OSBPL9: variants seen among roughly 807,000 people sequenced by gnomAD.
The protein encoded by OSBPL9 is oxysterol-binding protein-related protein 9.
Under a neutral mutation model 106.6 loss-of-function variants are expected in OSBPL9, and 40 were observed. The ratio of observed to expected loss-of-function variants is 0.38; its 90% CI spans 0.29 to 0.49. The LOEUF (loss-of-function observed/expected upper bound fraction) is 0.49. Among genes scored for constraint, OSBPL9 ranks in the 20% least tolerant of loss-of-function variants. The probability of loss-of-function intolerance (pLI) is 0.97; values close to 1 mark genes in which losing one functional copy is unlikely to be tolerated. For synonymous variants in OSBPL9, 269 were observed against 295.4 expected (o/e 0.91, Z 0.92); for missense variants, 609 against 887.2 (o/e 0.69, Z 3.98).
At chr1:51,786,028 G>C (rs1571800880) in intron 21 of OSBPL9, 142 bp downstream of exon 21, 1 of 701,446 alleles carries the variant, frequency 1.4e-6, no homozygotes, top group Admixed American at 3.0e-5. Flanking sequence ...GACAGCTCCA[G>C]TGTATGTCAT....
chr1:51,678,021 A>AG (rs1412340124), intron 3 of OSBPL9, among the ~76,000 whole-genome samples: 2 of 151,882 alleles, frequency 1.3e-5, no homozygotes, highest in African/African-American at 4.8e-5. Context: ...AAAAAAAAAA[A>AG]ATGAAAAAAC....
At chr1:51,772,006 T>A in intron 12 of OSBPL9, 64 bp from the exon 13 acceptor site, 3 of 1,222,254 alleles carry the variant, frequency 2.5e-6, no homozygotes, top group Middle Eastern at 1.9e-4. Context: ...ACTGTACGAG[T>A]CTAGCTTACT....
chr1:51,572,570 C>T (rs1448804403), upstream of OSBPL9, among the ~76,000 whole-genome samples: 1 of 151,966 alleles, frequency 6.6e-6, no homozygotes, highest in Non-Finnish European at 1.5e-5. Flanking sequence ...TTTTAAAATC[C>T]TAGGGGGTTG....
At chr1:51,665,022 A>T (rs994696199) in intron 2 of OSBPL9, among the ~76,000 whole-genome samples, 5 of 152,240 alleles carry the variant, frequency 3.3e-5, no homozygotes, top group Non-Finnish European at 4.4e-5. Context: ...AGTGTTATCC[A>T]ACAGACCTTT....
the OSBPL9 span, among the ~76,000 whole-genome samples, chr1:51,544,645 C>A: frequency 6.6e-6 from 1 of 151,710 alleles, no homozygotes; most frequent in African/African-American, 2.4e-5. Context: ...AAATTTTAAA[C>A]CAGCAGAAGA....
intron 2 of OSBPL9, among the ~76,000 whole-genome samples, chr1:51,602,583 C>A (rs1440635665): frequency 6.6e-6 from 1 of 151,474 alleles, no homozygotes; most frequent in East Asian, 1.9e-4. Context: ...TCACCACACC[C>A]AGCTGATTAA....
chr1:51,776,223 A>T (rs1283000542), intron 14 of OSBPL9, among the ~76,000 whole-genome samples: 1 of 152,100 alleles, frequency 6.6e-6, no homozygotes, highest in East Asian at 1.9e-4. Context: ...TAGTAGTGAG[A>T]GCGCGAGTGT....
intron 1 of OSBPL9, among the ~76,000 whole-genome samples, chr1:51,588,951 G>A (rs1054814049): frequency 6.6e-6 from 1 of 152,164 alleles, no homozygotes; most frequent in Non-Finnish European, 1.5e-5. Context: ...CTAACAGTGA[G>A]GAGAGAGAAA....
chr1:51,769,225 A>AT (rs1296490944), intron 12 of OSBPL9, among the ~76,000 whole-genome samples: 2 of 152,118 alleles, frequency 1.3e-5, no homozygotes, highest in African/African-American at 4.8e-5. Context: ...TCTTTTTACT[A>AT]TTTTTTGTTT....
At chr1:51,751,826 G>A (rs187645282) in intron 8 of OSBPL9, among the ~76,000 whole-genome samples, 185 of 152,264 alleles carry the variant, frequency 1.2e-3, no homozygotes, top group African/African-American at 4.2e-3. Context: ...GCCACTCATC[G>A]AGAACATTTT....
At chr1:51,744,397 C>T (rs1368420790) in intron 4 of OSBPL9, among the ~76,000 whole-genome samples, 2 of 152,158 alleles carry the variant, frequency 1.3e-5, no homozygotes, top group African/African-American at 4.8e-5. Context: ...CCAGATTTGC[C>T]AGCCCATTAC....
At chr1:51,574,516 G>A (rs1156351403), upstream of OSBPL9, among the ~76,000 whole-genome samples, 1 of 152,210 alleles carries the variant, frequency 6.6e-6, no homozygotes, top group East Asian at 1.9e-4. Context: ...CTACTCAGGA[G>A]GCTGAGGCAG....
chr1:51,719,890 T>TTTTAGC (rs1661755559), intron 4 of OSBPL9, among the ~76,000 whole-genome samples: 1 of 152,250 alleles, frequency 6.6e-6, no homozygotes, highest in South Asian at 2.1e-4. Flanking sequence ...AGTGGGTCAC[T>TTTTAGC]ACTTACAATG....
At chr1:51,579,647 T>C (rs771883485) in intron 1 of OSBPL9, among the ~76,000 whole-genome samples, 1 of 151,832 alleles carries the variant, frequency 6.6e-6, no homozygotes, top group Non-Finnish European at 1.5e-5. Context: ...ATTTGTACTT[T>C]CCCAGAAGTT....
At chr1:51,787,258 C>A in intron 22 of OSBPL9, 95 bp from the exon 23 acceptor site, 2 of 1,217,820 alleles carry the variant, frequency 1.6e-6, no homozygotes, top group Admixed American at 2.0e-5. Context: ...TGACCTACAG[C>A]ACTTAAAGCC....
intron 3 of OSBPL9, among the ~76,000 whole-genome samples, chr1:51,704,155 T>C (rs529711326): frequency 6.6e-6 from 1 of 152,320 alleles, no homozygotes; most frequent in African/African-American, 2.4e-5. Flanking sequence ...CCTCATAAAA[T>C]GAGTTAGGGA....
chr1:51,782,801 T>C lies in OSBPL9; in HGVS notation c.1513+158T>C, dbSNP rs115801110. On this transcript the variant is annotated intron_variant, in intron 17 of 23. Transcript: ENST00000428468. The stretch of plus-strand genomic sequence containing the variant: ...AACTCAAGTTGATTTGTTCCTCATA[T>C]CTTTTCCTTTTGTAAGCTCCAGACT... 7.5e-3 allele frequency among the ~76,000 whole-genome samples: 1,146 copies of C among 152,340 alleles called. 6 individuals carry two copies. The highest frequency in any genetic ancestry group is 0.012 in the Non-Finnish European group (833 of 68,030).
Position 51,762,037 on chromosome 1 carries a change from T to C in OSBPL9, c.778+66T>C, listed in dbSNP as rs1671631350. The C allele has an allele frequency of 1.5e-5, 18 of 1,163,754 alleles. No individual in the cohort carries two copies. The South Asian group carries it at 2.0e-4, about 13-fold the overall frequency. The allele number at this position is 1,163,754 out of a possible 1,614,324, so 72.1% of individuals were successfully genotyped here. A position where few individuals can be genotyped will look rare whatever the true frequency, so the allele number is the denominator to read the frequency against. ...TAACATTTGAGGTTTGTTTGTGACC[T>C]CTGATGAGGAGGGGGAAAGTTGAAG... On this transcript the variant is annotated intron_variant, in intron 11 of 23. Transcript: ENST00000428468.
chr1:51,560,367 T>C, the OSBPL9 span, among the ~76,000 whole-genome samples: 5 of 152,240 alleles, frequency 3.3e-5, no homozygotes, highest in Admixed American at 6.5e-5. Flanking sequence ...GCTTGGTGTT[T>C]CTGAGTCTCA....
Sources: gnomAD v4.1 joint callset for allele counts (sites outside exome capture counted in the v4.1 genomes callset) on GRCh38, gnomAD v4.1.1 for gene constraint, MANE v1.5 for transcripts, NCBI Gene and HGNC (gene_info 2026-07-23, HGNC 2026-07-21) for gene names.